Variants in INPP4B observed in about 807,000 individuals in gnomAD.
The protein encoded by INPP4B is inositol polyphosphate-4-phosphatase type II B.
In INPP4B, 55 loss-of-function variants were observed where a neutral mutation model predicts 122.5. The observed-to-expected ratio is 0.45, with a 90% CI of 0.36 to 0.56. INPP4B has a LOEUF of 0.56. Ranked by LOEUF, INPP4B falls within the 20% of genes least tolerant of loss-of-function variation. INPP4B has a pLI of 0.00. For synonymous variants in INPP4B, 403 were observed against 388.7 expected (o/e 1.04, Z -0.43); for missense variants, 1,000 against 1,097.7 (o/e 0.91, Z 1.26).
rs920435758 is a variant in INPP4B at position 142,487,178 on chromosome 4, G to A, written c.-190-24452C>T. ...TTGCCTGCTGCCATCCAGGCAGCAAGGATGTGACTAGCTCCTCCTTGCTTT... is the reference window on the plus strand; with the variant it reads ...TTGCCTGCTGCCATCCAGGCAGCAAAGATGTGACTAGCTCCTCCTTGCTTT... On this transcript the variant is annotated intron_variant, in intron 2 of 25. Coordinates refer to ENST00000262992, the MANE Select transcript of INPP4B (RefSeq NM_001101669.3). Among the ~76,000 whole-genome samples, 6 of 152,268 alleles carry A rather than the reference G, an allele frequency of 3.9e-5. 1 individual carries two copies. Among genetic ancestry groups the A allele is most frequent in the Admixed American group, 3.9e-4 (6 of 15,276 alleles).
At chr4:142,397,417 T>C (rs1232976771) in intron 7 of INPP4B, among the ~76,000 whole-genome samples, 1 of 152,232 alleles carries the variant, frequency 6.6e-6, no homozygotes, top group East Asian at 1.9e-4. Context: ...GACCACTTCA[T>C]TATAAAATTT....
At chr4:142,111,071 T>C in intron 22 of INPP4B, among the ~76,000 whole-genome samples, 1 of 152,136 alleles carries the variant, frequency 6.6e-6, no homozygotes, top group East Asian at 1.9e-4. Context: ...CAAATATATA[T>C]ATAGATAAAT....
chr4:142,179,212 C>A (rs530992545), intron 15 of INPP4B, among the ~76,000 whole-genome samples: 3 of 152,216 alleles, frequency 2.0e-5, no homozygotes, highest in South Asian at 2.1e-4. Context: ...GTGGCTCACA[C>A]CTGTAGTCCC....
At chr4:142,360,423 G>A (rs1277341394) in intron 7 of INPP4B, among the ~76,000 whole-genome samples, 2 of 151,968 alleles carry the variant, frequency 1.3e-5, no homozygotes. Context: ...AACAGTCAAG[G>A]TGGTTCAAAA....
intron 2 of INPP4B, among the ~76,000 whole-genome samples, chr4:142,699,101 T>C (rs1263074159): frequency 6.6e-6 from 1 of 152,094 alleles, no homozygotes; most frequent in Non-Finnish European, 1.5e-5. Context: ...AAGTGGGAAG[T>C]GGTAGAGACA....
intron 11 of INPP4B, among the ~76,000 whole-genome samples, chr4:142,256,129 A>T (rs1735872333): frequency 6.7e-6 from 1 of 149,936 alleles, no homozygotes; most frequent in Non-Finnish European, 1.5e-5. Flanking sequence ...AAATGAAGGC[A>T]GAAATAAAGA....
intron 3 of INPP4B, among the ~76,000 whole-genome samples, chr4:142,440,637 C>T (rs1244196244): frequency 1.3e-5 from 2 of 152,120 alleles, no homozygotes; most frequent in East Asian, 1.9e-4. Context: ...ACCCCCTGCC[C>T]GTCATTCACT....
intron 7 of INPP4B, among the ~76,000 whole-genome samples, chr4:142,396,918 C>T (rs1799554877): frequency 6.6e-6 from 1 of 151,790 alleles, no homozygotes; most frequent in South Asian, 2.1e-4. Context: ...AAGTGTTTGC[C>T]TCAGGTTGTA....
chr4:142,824,452 G>T (rs1291079905), intron 1 of INPP4B, among the ~76,000 whole-genome samples: 1 of 151,936 alleles, frequency 6.6e-6, no homozygotes, highest in Non-Finnish European at 1.5e-5. Context: ...TTCTATAACA[G>T]GCCAAGAGTA....
chr4:142,346,431 AAAT>A (rs1780337318), intron 7 of INPP4B, among the ~76,000 whole-genome samples: 1 of 152,064 alleles, frequency 6.6e-6, no homozygotes, highest in Admixed American at 6.6e-5. Context: ...AAATAACAAG[AAAT>A]AAGAGAAATG....
At chr4:142,571,199 T>TC (rs1380605736) in intron 2 of INPP4B, among the ~76,000 whole-genome samples, 25 of 152,042 alleles carry the variant, frequency 1.6e-4, no homozygotes, top group African/African-American at 6.0e-4. Flanking sequence ...AGCTCCTGCC[T>TC]TTATTTTTCT....
At chr4:142,759,189 TG>T (rs1303756713) in intron 1 of INPP4B, among the ~76,000 whole-genome samples, 2 of 152,170 alleles carry the variant, frequency 1.3e-5, no homozygotes, top group African/African-American at 4.8e-5. Flanking sequence ...AGAAAGCACT[TG>T]AACCAATGTC....
At chr4:142,102,114 TTTTC>T (rs552054573) in intron 23 of INPP4B, among the ~76,000 whole-genome samples, 304 of 152,162 alleles carry the variant, frequency 2.0e-3, no homozygotes, top group Non-Finnish European at 3.6e-3. Flanking sequence ...GTTTCTATAA[TTTTC>T]TTTCTAATTG....
intron 2 of INPP4B, among the ~76,000 whole-genome samples, chr4:142,651,695 C>T (rs1403207690): frequency 6.6e-6 from 1 of 152,122 alleles, no homozygotes; most frequent in Non-Finnish European, 1.5e-5. Context: ...TCTGAATAGA[C>T]CAATCACAGA....
At chr4:142,605,615 C>T (rs1484076278) in intron 2 of INPP4B, among the ~76,000 whole-genome samples, 8 of 151,588 alleles carry the variant, frequency 5.3e-5, no homozygotes, top group African/African-American at 1.5e-4. Flanking sequence ...AAGTTAGCAT[C>T]GGTCATGAAT....
chr4:142,506,309 C>T (rs1279447062), intron 2 of INPP4B, among the ~76,000 whole-genome samples: 4 of 152,154 alleles, frequency 2.6e-5, no homozygotes, highest in South Asian at 4.1e-4. Flanking sequence ...GACACTCCCA[C>T]CCAGACCTGT....
chr4:142,023,862 T>C lies in INPP4B; in HGVS notation c.*4920A>G, dbSNP rs1736216844. 1.3e-5 allele frequency: 2 copies of C among 152,182 alleles called. No homozygotes were observed. Among genetic ancestry groups the C allele is most frequent in the Non-Finnish European group, 2.9e-5 (2 of 68,028 alleles). The allele number at this position is 152,182 out of a possible 1,614,324, so 9.4% of individuals were successfully genotyped here. Reference sequence around the variant, plus strand: ...CACTCTCTGTGGGTACCATACTCAATTGTAAATCTTTTAAAAATTTAAAAT... The same window carrying C: ...CACTCTCTGTGGGTACCATACTCAACTGTAAATCTTTTAAAAATTTAAAAT... On this transcript the variant is annotated 3_prime_UTR_variant, in exon 26 of 26. Transcript: ENST00000262992.
chr4:142,351,330 T>A (rs1031723214), intron 7 of INPP4B, among the ~76,000 whole-genome samples: 5 of 152,044 alleles, frequency 3.3e-5, no homozygotes, highest in Admixed American at 2.0e-4. Flanking sequence ...AGTTGCCACT[T>A]CTGTGATTAT....
chr4:142,378,468 G>C (rs1049854416), intron 7 of INPP4B, among the ~76,000 whole-genome samples: 1 of 152,110 alleles, frequency 6.6e-6, no homozygotes, highest in Non-Finnish European at 1.5e-5. Context: ...TCAGACACTT[G>C]TGTAGGTTGC....
Sources: gnomAD v4.1 joint callset for allele counts (sites outside exome capture counted in the v4.1 genomes callset) on GRCh38, gnomAD v4.1.1 for gene constraint, MANE v1.5 for transcripts, NCBI Gene and HGNC (gene_info 2026-07-23, HGNC 2026-07-21) for gene names.